Variants in ASB3 observed in about 807,000 individuals in gnomAD.
ASB3 encodes the protein ankyrin repeat and SOCS box containing 3.
A neutral mutation model predicts 54.5 loss-of-function variants in ASB3; 41 were observed. That is an observed-to-expected ratio of 0.75 (90% CI 0.59 to 0.98). ASB3 has a LOEUF of 0.98. ASB3 is among the 50% of genes least tolerant of loss of function. ASB3 has a pLI of 0.00. For missense variants in ASB3, 733 were observed against 620.0 expected (o/e 1.18, Z -1.94); for synonymous variants, 266 against 221.2 (o/e 1.20, Z -1.80).
intron 7 of ASB3, among the ~76,000 whole-genome samples, chr2:53,704,494 C>A (rs1477838423): frequency 6.6e-6 from 1 of 152,016 alleles, no homozygotes; most frequent in African/African-American, 2.4e-5. Flanking sequence ...TGTAGGCAAT[C>A]CAAATTTTAA....
rs780148471 is a variant in ASB3 at position 53,670,587 on chromosome 2, G to A, written c.1473C>T (p.Pro491=). The change falls in exon 10 of 10, where the codon CCC becomes CCT. Residue 491 remains proline, a synonymous_variant. Transcript: ENST00000263634. ...SDSYISQLPL[P]RSLHNYLLYE... ...AGAGCAAATAATTATGTAGGCTTCT[G>A]GGAAGTGGCAGCTGACTAATATAAC... 5 of 1,613,808 alleles carry A rather than the reference G, an allele frequency of 3.1e-6. No homozygotes were observed. Among genetic ancestry groups the A allele is most frequent in the African/African-American group, 2.7e-5 (2 of 74,848 alleles).
chr2:53,783,041 G>C (rs996596572), intron 1 of ASB3, among the ~76,000 whole-genome samples: 6 of 151,960 alleles, frequency 3.9e-5, no homozygotes, highest in African/African-American at 9.7e-5. Flanking sequence ...TCAAAGTGCT[G>C]GAATTACCGG....
chr2:53,741,383 A>T (rs1207667615), intron 3 of ASB3, among the ~76,000 whole-genome samples: 1 of 152,260 alleles, frequency 6.6e-6, no homozygotes, highest in Non-Finnish European at 1.5e-5. Context: ...AATTGTTATC[A>T]GTCCTCAACA....
intron 9 of ASB3, among the ~76,000 whole-genome samples, chr2:53,689,732 T>A (rs1668809921): frequency 6.6e-6 from 1 of 152,206 alleles, no homozygotes; most frequent in Non-Finnish European, 1.5e-5. Flanking sequence ...TAGCCCACCA[T>A]ATTTAGCTAG....
intron 5 of ASB3, among the ~76,000 whole-genome samples, chr2:53,728,366 C>G (rs1290907823): frequency 6.6e-6 from 1 of 152,126 alleles, no homozygotes; most frequent in Non-Finnish European, 1.5e-5. Flanking sequence ...AAATAGCCAT[C>G]TAATAAGGTA....
At chr2:53,707,300 T>C (rs1453051883) in intron 7 of ASB3, among the ~76,000 whole-genome samples, 1 of 152,194 alleles carries the variant, frequency 6.6e-6, no homozygotes, top group Non-Finnish European at 1.5e-5. Context: ...CTACTTAGTG[T>C]GGTCTGTGGA....
At position 53,767,925 on chromosome 2, in the gene ASB3, G is replaced by A. The variant is rs144375581; in HGVS notation, c.-13-2340C>T. 115 of 1,613,938 alleles carry A rather than the reference G, an allele frequency of 7.1e-5. No homozygotes were observed. In the African/African-American group the frequency reaches 1.3e-3, roughly 19 times the overall value. The stretch of plus-strand genomic sequence containing the variant: ...GTTACGGGTCCCTGATCTGGAAGGT[G>A]GATTTCCCCTATCAGGACAAGCTGG... On this transcript the variant is annotated intron_variant, in intron 1 of 9. Transcript: ENST00000263634.
intron 7 of ASB3, among the ~76,000 whole-genome samples, chr2:53,712,994 G>A (rs1296965166): frequency 6.6e-6 from 1 of 152,098 alleles, no homozygotes; most frequent in African/African-American, 2.4e-5. Flanking sequence ...TACATAAAGT[G>A]GGCCCCAGAT....
intron 7 of ASB3, among the ~76,000 whole-genome samples, chr2:53,710,378 T>A (rs112321315): frequency 0.11 from 16,309 of 152,290 alleles, 1,077 homozygotes; most frequent in Non-Finnish European, 0.15. Context: ...CAGCTGAGAA[T>A]TTCTACCTTT....
At chr2:53,746,234 G>A (rs1338396844) in intron 3 of ASB3, among the ~76,000 whole-genome samples, 1 of 152,110 alleles carries the variant, frequency 6.6e-6, no homozygotes, top group African/African-American at 2.4e-5. Context: ...GTTTGAGGCT[G>A]TAGTGAGCTA....
intron 9 of ASB3, among the ~76,000 whole-genome samples, chr2:53,680,130 T>C (rs917296765): frequency 3.9e-5 from 6 of 152,226 alleles, no homozygotes; most frequent in Non-Finnish European, 5.9e-5. Flanking sequence ...ACATTTTCTT[T>C]ATGCACTCTA....
At chr2:53,756,083 T>C (rs1672807054) in intron 2 of ASB3, among the ~76,000 whole-genome samples, 1 of 151,994 alleles carries the variant, frequency 6.6e-6, no homozygotes, top group Admixed American at 6.6e-5. Context: ...GGAGGATCAC[T>C]TGAGCCCAAG....
At chr2:53,769,358 A>G (rs1373056774) in intron 1 of ASB3, among the ~76,000 whole-genome samples, 3 of 152,246 alleles carry the variant, frequency 2.0e-5, no homozygotes, top group Non-Finnish European at 4.4e-5. Flanking sequence ...TTCCGAAAAG[A>G]AAACCTTTAG....
At chr2:53,695,039 G>GA (rs537051150) in intron 8 of ASB3, among the ~76,000 whole-genome samples, 4 of 151,856 alleles carry the variant, frequency 2.6e-5, no homozygotes, top group Non-Finnish European at 5.9e-5. Context: ...AATGGTTGGA[G>GA]AAAAAAAAGT....
intron 1 of ASB3, among the ~76,000 whole-genome samples, chr2:53,781,567 C>T (rs1674652711): frequency 6.6e-6 from 1 of 152,148 alleles, no homozygotes; most frequent in Admixed American, 6.5e-5. Flanking sequence ...GCCATCTTGG[C>T]TCACCACAAT....
intron 3 of ASB3, among the ~76,000 whole-genome samples, chr2:53,747,877 G>C (rs1672308863): frequency 6.6e-6 from 1 of 152,196 alleles, no homozygotes; most frequent in African/African-American, 2.4e-5. Flanking sequence ...ATGTCTTCAT[G>C]TTTTTCTACA....
At chr2:53,689,475 T>C (rs1328292078) in intron 9 of ASB3, among the ~76,000 whole-genome samples, 2 of 152,186 alleles carry the variant, frequency 1.3e-5, no homozygotes, top group Non-Finnish European at 2.9e-5. Flanking sequence ...AAACTAGAAA[T>C]GGCTTTAGCA....
At chr2:53,772,060 C>A in intron 1 of ASB3, 1 of 638,362 alleles carries the variant, frequency 1.6e-6, no homozygotes, top group Non-Finnish European at 2.6e-6. Context: ...ATTTAGAATT[C>A]TTCTCTGTAT....
At chr2:53,690,291 G>C (rs1036175154) in intron 9 of ASB3, among the ~76,000 whole-genome samples, 1 of 151,932 alleles carries the variant, frequency 6.6e-6, no homozygotes, top group African/African-American at 2.4e-5. Flanking sequence ...ACTGAGTTGA[G>C]ACATACAATA....
Sources: allele counts gnomAD v4.1 joint callset (sites outside exome capture counted in the v4.1 genomes callset), GRCh38; gene constraint gnomAD v4.1.1; transcripts MANE v1.5; gene names NCBI Gene and HGNC (gene_info 2026-07-23, HGNC 2026-07-21).